IRAK1BP1: variants seen among roughly 807,000 people sequenced by gnomAD.
IRAK1BP1 encodes the protein interleukin-1 receptor-associated kinase 1-binding protein 1.
In IRAK1BP1, 24 loss-of-function variants were observed where a neutral mutation model predicts 28.0. That is an observed-to-expected ratio of 0.86 (90% CI 0.62 to 1.20). IRAK1BP1 has a LOEUF of 1.20. Among genes scored for constraint, IRAK1BP1 ranks in the 50% most tolerant of loss-of-function variants. The pLI, the probability that IRAK1BP1 is intolerant of heterozygous loss-of-function variation, is 0.00. For synonymous variants in IRAK1BP1, 131 were observed against 116.3 expected (o/e 1.13, Z -0.81); for missense variants, 336 against 316.7 (o/e 1.06, Z -0.46).
chr6:78,972,492 C>T, the IRAK1BP1 span, among the ~76,000 whole-genome samples: 11 of 152,244 alleles, frequency 7.2e-5, no homozygotes, highest in African/African-American at 2.2e-4. Context: ...CAAAGGAACA[C>T]AGCTCCTCAC....
At chr6:78,895,707 T>C (rs1771859022) in intron 2 of IRAK1BP1, among the ~76,000 whole-genome samples, 3 of 152,138 alleles carry the variant, frequency 2.0e-5, no homozygotes, top group Non-Finnish European at 4.4e-5. Context: ...CTAGTAAAAA[T>C]TATCAGTAAA....
intron 1 of IRAK1BP1, among the ~76,000 whole-genome samples, chr6:78,873,361 A>G (rs1770865634): frequency 1.3e-5 from 2 of 151,568 alleles, no homozygotes; most frequent in South Asian, 4.2e-4. Flanking sequence ...ATAGTATTGA[A>G]CTTTCAAAAT....
At chr6:78,871,913 C>T (rs2127664858) in intron 1 of IRAK1BP1, 2 of 528,676 alleles carry the variant, frequency 3.8e-6, no homozygotes, top group East Asian at 6.4e-5. Context: ...CAGCTTCCAT[C>T]TGACAACATT....
At chr6:78,955,126 GA>G in the IRAK1BP1 span, 2 of 890,916 alleles carry the variant, frequency 2.2e-6, no homozygotes, top group Non-Finnish European at 3.3e-6. Flanking sequence ...AAACTAATTT[GA>G]AATACTTAAT....
the IRAK1BP1 span, among the ~76,000 whole-genome samples, chr6:78,978,122 TA>T: frequency 6.6e-6 from 1 of 152,092 alleles, no homozygotes; most frequent in Non-Finnish European, 1.5e-5. Context: ...TCTTAAAAAT[TA>T]AATAGTATTT....
chr6:78,976,676 C>G, the IRAK1BP1 span, among the ~76,000 whole-genome samples: 1 of 147,514 alleles, frequency 6.8e-6, no homozygotes, highest in African/African-American at 2.5e-5. Flanking sequence ...AACAAATTTA[C>G]AAGAAAAAAA....
chr6:78,880,852 G>A (rs975471458), intron 1 of IRAK1BP1, among the ~76,000 whole-genome samples: 1 of 152,138 alleles, frequency 6.6e-6, no homozygotes, highest in Non-Finnish European at 1.5e-5. Context: ...TATTAGAATG[G>A]CTTAAATACA....
At chr6:78,887,908 G>A (rs996695755) in intron 2 of IRAK1BP1, among the ~76,000 whole-genome samples, 2 of 152,074 alleles carry the variant, frequency 1.3e-5, no homozygotes, top group Non-Finnish European at 2.9e-5. Flanking sequence ...GTATTTGCAT[G>A]TTCATTGCAG....
downstream of IRAK1BP1, chr6:78,947,729 C>T (rs747814220): frequency 6.2e-7 from 1 of 1,605,654 alleles, no homozygotes; most frequent in Non-Finnish European, 8.5e-7. Context: ...TAAAGTTTCT[C>T]TAACGGTAGC....
chr6:78,933,679 T>C (rs1311705289), intron 4 of IRAK1BP1, among the ~76,000 whole-genome samples: 1 of 151,816 alleles, frequency 6.6e-6, no homozygotes, highest in Admixed American at 6.6e-5. Context: ...TTTTTTTTTT[T>C]TTTTTTTGGC....
At chr6:78,868,875 T>C (rs979104570) in intron 1 of IRAK1BP1, among the ~76,000 whole-genome samples, 1 of 152,226 alleles carries the variant, frequency 6.6e-6, no homozygotes, top group East Asian at 1.9e-4. Context: ...ATGTAACTTA[T>C]CCAGGATGAC....
At chr6:78,971,652 CGCA>C in the IRAK1BP1 span, among the ~76,000 whole-genome samples, 1 of 151,760 alleles carries the variant, frequency 6.6e-6, no homozygotes, top group Admixed American at 6.6e-5. Context: ...AGACAGTGGG[CGCA>C]GGTCAGTGGG....
intron 2 of IRAK1BP1, among the ~76,000 whole-genome samples, chr6:78,887,147 A>T (rs987147560): frequency 2.6e-5 from 4 of 152,214 alleles, no homozygotes; most frequent in Admixed American, 6.5e-5. Flanking sequence ...AATATATGGA[A>T]TGAGATTAGA....
rs183421124 is a variant in IRAK1BP1 at position 78,886,918 on chromosome 6, G to A, written c.381+1475G>A. On this transcript the variant is annotated intron_variant, in intron 2 of 3. Coordinates refer to ENST00000369940, the MANE Select transcript of IRAK1BP1 (RefSeq NM_001010844.4). ...AGAGAATCTGATTATATTTTGTATA[G>A]GGATTCCAGGTAGCCAGAATTTATA... 1.9e-3 allele frequency among the ~76,000 whole-genome samples: 293 copies of A among 152,232 alleles called. 1 individual carries two copies. The highest frequency in any genetic ancestry group is 2.8e-3 in the Non-Finnish European group (189 of 68,022).
At chr6:78,971,007 A>C in the IRAK1BP1 span, 1 of 658,606 alleles carries the variant, frequency 1.5e-6, no homozygotes, top group East Asian at 3.0e-5. Flanking sequence ...AGAAATTCTA[A>C]TATTTTCTCC....
chr6:78,937,370 TATAAG>T (rs775918845), intron 4 of IRAK1BP1: 9 of 151,842 alleles, frequency 5.9e-5, no homozygotes, highest in Non-Finnish European at 8.9e-5. Context: ...GCTGCTAACA[TATAAG>T]ATAAAAATAT....
chr6:78,949,561 C>A (rs1774024691), downstream of IRAK1BP1, among the ~76,000 whole-genome samples: 1 of 152,108 alleles, frequency 6.6e-6, no homozygotes, highest in African/African-American at 2.4e-5. Flanking sequence ...CCTGCAGAAA[C>A]CCCAATAAAG....
At chr6:78,950,714 C>A (rs748762741), downstream of IRAK1BP1, among the ~76,000 whole-genome samples, 1 of 152,146 alleles carries the variant, frequency 6.6e-6, no homozygotes, top group African/African-American at 2.4e-5. Context: ...CTGATATTAA[C>A]AATCTGTCTT....
At chr6:78,956,591 C>T in the IRAK1BP1 span, 5 of 152,184 alleles carry the variant, frequency 3.3e-5, no homozygotes, top group Non-Finnish European at 5.9e-5. Flanking sequence ...CGATGTGGCC[C>T]CAACTCAGAT....
Sources: gnomAD v4.1 joint callset for allele counts (sites outside exome capture counted in the v4.1 genomes callset) on GRCh38, gnomAD v4.1.1 for gene constraint, MANE v1.5 for transcripts, NCBI Gene and HGNC (gene_info 2026-07-23, HGNC 2026-07-21) for gene names.